USP26: variants seen among roughly 807,000 people sequenced by gnomAD.
The protein encoded by USP26 is ubiquitin specific peptidase 26.
For missense variants in USP26, 649 were observed against 642.3 expected (o/e 1.01, Z -0.11); for synonymous variants, 236 against 240.6 (o/e 0.98, Z 0.18).
chrX:133,088,354 C>T (rs1210851380), intron 4 of USP26, among the ~76,000 whole-genome samples: 1 of 111,350 alleles, frequency 9.0e-6, no homozygotes, highest in Admixed American at 9.5e-5. Context: ...ACATTAGATT[C>T]TCATAAGGAG....
intron 5 of USP26, among the ~76,000 whole-genome samples, chrX:133,074,360 C>T (rs749634595): frequency 8.9e-6 from 1 of 112,075 alleles, no homozygotes; most frequent in Non-Finnish European, 1.9e-5. Flanking sequence ...ACTTCTTAAC[C>T]TCTATGTACC....
chrX:133,073,657 C>G (rs2067537666), intron 5 of USP26, among the ~76,000 whole-genome samples: 1 of 111,293 alleles, frequency 9.0e-6, no homozygotes, highest in Non-Finnish European at 1.9e-5. Context: ...CCCTTCTACC[C>G]CTAATACCTC....
chrX:133,027,848 T>C lies in USP26; in HGVS notation c.373A>G (p.Lys125Glu). ...TGGAATGAAGTTTTGTTGATTTCCT[T>C]CTGTGTTGTGCTAGAAAAGACACTC... ...GGSVFSSTTQ[K>E]EINKTSFHKV... The change falls in exon 6 of 6, where the codon AAG becomes GAG. Residue 125 changes from lysine (K) to glutamate (E), a missense_variant. Lys to Glu is a moderately conservative substitution (Grantham distance 56). Transcript: ENST00000511190. The C allele has an allele frequency of 8.3e-7, 1 of 1,204,640 alleles. No individual in the cohort carries two copies.
chrX:133,032,742 A>G (rs897751351), intron 5 of USP26, among the ~76,000 whole-genome samples: 7 of 111,834 alleles, frequency 6.3e-5, no homozygotes, highest in Non-Finnish European at 9.4e-5. Flanking sequence ...AAAAATGATT[A>G]TAAGTACGGA....
chrX:133,035,216 T>C (rs2148526971), intron 5 of USP26, among the ~76,000 whole-genome samples: 1 of 112,150 alleles, frequency 8.9e-6, no homozygotes, highest in South Asian at 3.7e-4. Flanking sequence ...CTCCCTCTAT[T>C]TGGAGAAGAA....
chrX:133,044,464 A>C (rs1428827225), intron 5 of USP26, among the ~76,000 whole-genome samples: 1 of 113,329 alleles, frequency 8.8e-6, no homozygotes, highest in Non-Finnish European at 1.9e-5. Flanking sequence ...CAGGCCCTGC[A>C]CTCAGAGTGG....
intron 1 of USP26, among the ~76,000 whole-genome samples, chrX:133,094,479 A>G (rs2067620866): frequency 9.1e-6 from 1 of 110,074 alleles, no homozygotes. Flanking sequence ...AAATACCATT[A>G]TATTAAACAC....
intron 1 of USP26, among the ~76,000 whole-genome samples, chrX:133,093,192 G>T (rs904129736): frequency 9.0e-6 from 1 of 111,364 alleles, no homozygotes; most frequent in African/African-American, 3.3e-5. Flanking sequence ...AGGATGAGGT[G>T]GGGGGATCAC....
chrX:133,052,715 G>A (rs1385974404), intron 5 of USP26, among the ~76,000 whole-genome samples: 1 of 112,056 alleles, frequency 8.9e-6, no homozygotes, highest in African/African-American at 3.2e-5. Flanking sequence ...GAGCAGAGTA[G>A]GAATAGAATA....
chrX:133,093,928 C>T lies in USP26; in HGVS notation c.-392-2485G>A, dbSNP rs187147038. Reference sequence around the variant, plus strand: ...CCCAGGAGGTCGAGGCTGTAGAGTGCCGTGATCACACCACTGCACTCCATC... The same window carrying T: ...CCCAGGAGGTCGAGGCTGTAGAGTGTCGTGATCACACCACTGCACTCCATC... On this transcript the variant is annotated intron_variant, in intron 1 of 5. Transcript: ENST00000511190. Among the ~76,000 whole-genome samples the T allele has an allele frequency of 1.4e-4, 14 of 97,000 alleles. No homozygotes were observed. In the East Asian group the frequency reaches 4.3e-3, roughly 30 times the overall value. The allele number at this position is 97,000 out of a possible 115,157, so 84.2% of individuals were successfully genotyped here.
Position 133,027,978 on chromosome X carries a change from C to G in USP26, c.243G>C (p.Leu81Phe). ...CTGTGGAGGATAATCCTTCAATAAA[C>G]AAGCCATTATTATTTTGTAAAGTTA... is the stretch of plus-strand genomic sequence containing the variant. Reference protein sequence around the residue: ...LHLTLQNNNGLFIEGLSSTDA... With the variant: ...LHLTLQNNNGFFIEGLSSTDA... Residue 81 changes from leucine to phenylalanine, a missense_variant, in exon 6 of 6, where the codon TTG (leucine) becomes TTC (phenylalanine). Coordinates refer to ENST00000511190, the MANE Select transcript of USP26 (RefSeq NM_031907.3). 8.3e-7 allele frequency: 1 copy of G among 1,206,857 alleles called. No individual in the cohort carries two copies. The highest frequency in any genetic ancestry group is 1.8e-5 in the South Asian group (1 of 56,815).
intron 5 of USP26, among the ~76,000 whole-genome samples, chrX:133,076,057 T>A (rs1296132520): frequency 9.0e-6 from 1 of 111,706 alleles, no homozygotes; most frequent in East Asian, 2.8e-4. Context: ...TAACAGGTCA[T>A]CAGAAGCCCA....
At chrX:133,057,155 G>A (rs2067478193) in intron 5 of USP26, among the ~76,000 whole-genome samples, 1 of 111,257 alleles carries the variant, frequency 9.0e-6, no homozygotes, top group South Asian at 3.8e-4. Flanking sequence ...AGGTATACAT[G>A]TGCCATAGTG....
intron 5 of USP26, among the ~76,000 whole-genome samples, chrX:133,067,802 A>G (rs2067517079): frequency 8.9e-6 from 1 of 112,002 alleles, no homozygotes; most frequent in Non-Finnish European, 1.9e-5. Flanking sequence ...TGATGTGTTG[A>G]TAGGTAGAGC....
intron 5 of USP26, among the ~76,000 whole-genome samples, chrX:133,036,074 G>A (rs1200222593): frequency 9.1e-6 from 1 of 110,403 alleles, no homozygotes; most frequent in Non-Finnish European, 1.9e-5. Flanking sequence ...CTGTGATCAT[G>A]CCATTGCACT....
At chrX:133,044,594 CG>C (rs1193568480) in intron 5 of USP26, among the ~76,000 whole-genome samples, 1 of 113,315 alleles carries the variant, frequency 8.8e-6, no homozygotes, top group Non-Finnish European at 1.9e-5. Context: ...ATTTTTCACA[CG>C]GCCTTAGCTG....
At chrX:133,043,948 A>G (rs1291219485) in intron 5 of USP26, among the ~76,000 whole-genome samples, 1 of 111,694 alleles carries the variant, frequency 9.0e-6, no homozygotes, top group Non-Finnish European at 1.9e-5. Context: ...TTATTGCTCC[A>G]TTAAAAAAAA....
intron 4 of USP26, among the ~76,000 whole-genome samples, chrX:133,086,283 T>C (rs1011139049): frequency 2.7e-5 from 3 of 111,971 alleles, no homozygotes; most frequent in Non-Finnish European, 3.8e-5. Flanking sequence ...CTTAGAATTT[T>C]CACTTTGCAA....
intron 5 of USP26, among the ~76,000 whole-genome samples, chrX:133,054,214 A>G (rs756978764): frequency 8.9e-6 from 1 of 111,941 alleles, no homozygotes; most frequent in South Asian, 3.8e-4. Context: ...TGACTCATTC[A>G]GAGTCCTCTA....
Sources: gnomAD v4.1 joint callset for allele counts (sites outside exome capture counted in the v4.1 genomes callset) on GRCh38, gnomAD v4.1.1 for gene constraint, MANE v1.5 for transcripts, NCBI Gene and HGNC (gene_info 2026-07-23, HGNC 2026-07-21) for gene names.